The following LONP2 variants were observed in gnomAD, a reference collection of about 807,000 sequenced individuals.
LONP2 encodes lon peptidase 2, peroxisomal, also known as lon protease homolog 2, peroxisomal.
Under a neutral mutation model 85.6 loss-of-function variants are expected in LONP2, and 60 were observed. That is an observed-to-expected ratio of 0.70 (90% CI 0.57 to 0.87). The LOEUF (loss-of-function observed/expected upper bound fraction) is 0.87, where lower values mean the gene tolerates loss of function less well. LONP2 is among the 40% of genes least tolerant of loss of function. The pLI is 0.00. For missense variants in LONP2, 860 were observed against 1,063.5 expected (o/e 0.81, Z 2.66); for synonymous variants, 395 against 389.7 (o/e 1.01, Z -0.16).
rs574590690 is a variant in LONP2 at position 48,284,854 on chromosome 16, A to G, written c.1383+7375A>G. ...TGCAAATATGGAATAATAAGGATCA[A>G]CTGTAATTACTGCTTTATGCCATTA... is the stretch of plus-strand genomic sequence containing the variant. On this transcript the variant is annotated intron_variant, in intron 8 of 14. Transcript: ENST00000285737. 7.9e-5 allele frequency among the ~76,000 whole-genome samples: 12 copies of G among 152,326 alleles called. No homozygotes were observed. The East Asian group carries it at 2.3e-3, about 29-fold the overall frequency.
intron 11 of LONP2, among the ~76,000 whole-genome samples, chr16:48,332,528 AT>A (rs1374220840): frequency 6.6e-6 from 1 of 152,172 alleles, no homozygotes; most frequent in African/African-American, 2.4e-5. Context: ...CCTGGCCAAC[AT>A]GCTGAAACCC....
At chr16:48,268,153 G>A (rs1972030166) in intron 6 of LONP2, among the ~76,000 whole-genome samples, 1 of 152,082 alleles carries the variant, frequency 6.6e-6, no homozygotes, top group Non-Finnish European at 1.5e-5. Context: ...CAGGAAGCAT[G>A]CTTTCTGAAT....
chr16:48,321,754 T>C (rs1172755909), intron 11 of LONP2, among the ~76,000 whole-genome samples: 2 of 151,850 alleles, frequency 1.3e-5, no homozygotes, highest in Non-Finnish European at 2.9e-5. Flanking sequence ...AAAGAAAAAA[T>C]AAACAACAAA....
rs747047873 is a variant in LONP2, at chr16:48,252,160, T to C, written c.263T>C (p.Val88Ala). 6 of 1,606,122 alleles carry C rather than the reference T, an allele frequency of 3.7e-6. No individual in the cohort carries two copies. The highest frequency in any genetic ancestry group is 5.1e-6 in the Non-Finnish European group (6 of 1,174,462). Residue 88 changes from valine to alanine, a missense_variant, in exon 2 of 15, where the codon GTT (valine) becomes GCT (alanine). Physicochemically the swap from Val to Ala is moderately conservative, Grantham distance 64. This residue lies in a region of LONP2 where 743 missense variants were observed against 917.3 expected (regional missense o/e 0.81). Coordinates refer to ENST00000285737, the MANE Select transcript of LONP2 (RefSeq NM_031490.5). ...GGCACAGCTGCACTGGCCGTTCAGG[T>C]TGTGGGCAGTAACTGGCCCAAGCCC... Reference protein sequence around the residue: ...RIGTAALAVQVVGSNWPKPHY... With the variant: ...RIGTAALAVQAVGSNWPKPHY...
At chr16:48,329,452 C>T (rs951727284) in intron 11 of LONP2, among the ~76,000 whole-genome samples, 1 of 152,156 alleles carries the variant, frequency 6.6e-6, no homozygotes, top group African/African-American at 2.4e-5. Context: ...GTTCAAGTAA[C>T]CCTTCCTTTA....
In LONP2 at chr16:48,355,063, A is replaced by C. The variant is rs1486040610; in HGVS notation, c.*3261A>C. ...ATTTGGTTTATCCACTCATCTGCTGATTGTTTCCCCCTCTTGGGTATTATG... is the reference window on the plus strand; with the variant it reads ...ATTTGGTTTATCCACTCATCTGCTGCTTGTTTCCCCCTCTTGGGTATTATG... On this transcript the variant is annotated 3_prime_UTR_variant, in exon 15 of 15. Transcript: ENST00000285737. 1 of 152,142 alleles carries C rather than the reference A, an allele frequency of 6.6e-6. No individual in the cohort carries two copies. Among genetic ancestry groups the C allele is most frequent in the African/African-American group, 2.4e-5 (1 of 41,428 alleles). 9.4% of individuals were successfully genotyped at this position (152,142 alleles called of 1,614,324 possible).
intron 7 of LONP2, among the ~76,000 whole-genome samples, chr16:48,275,271 C>A (rs1184950371): frequency 6.6e-6 from 1 of 152,106 alleles, no homozygotes; most frequent in Non-Finnish European, 1.5e-5. Flanking sequence ...AGGCTTAGGT[C>A]AAGTAATTTG....
In LONP2 at chr16:48,270,152, T is replaced by C. The variant is rs1471203839; in HGVS notation, c.1119T>C (p.Phe373=). 41 of 1,613,956 alleles carry C rather than the reference T, an allele frequency of 2.5e-5. No individual in the cohort carries two copies. The highest frequency in any genetic ancestry group is 3.1e-5 in the Non-Finnish European group (36 of 1,179,990). ...KNNLKGPILC[F]VGPPGVGKTS... Reference sequence around the variant, plus strand: ...ACCTGAAGGGCCCAATCCTATGCTTTGTTGGCCCTCCTGGAGTTGGTAAAA... The same window carrying C: ...ACCTGAAGGGCCCAATCCTATGCTTCGTTGGCCCTCCTGGAGTTGGTAAAA... Residue 373 remains phenylalanine (F), a synonymous_variant, in exon 7 of 15, where the codon TTT becomes TTC. Transcript: ENST00000285737.
chr16:48,362,903 C>T lies in LONP2; in HGVS notation c.*1040C>T, dbSNP rs1445487853. ...ATAAAATCGGCACTCTGTATCCACA[C>T]GGTCTGCATCCGAGGACTTCACCAG... On this transcript the variant is annotated 3_prime_UTR_variant, in exon 5 of 5. Coordinates refer to the LONP2 transcript ENST00000565867. The surrounding 1 kb of genome is among the most constrained non-coding windows in gnomAD (Gnocchi z 4.2). 1.2e-5 allele frequency: 2 copies of T among 167,502 alleles called. No homozygotes were observed. Among genetic ancestry groups the T allele is most frequent in the East Asian group, 3.8e-4 (2 of 5,208 alleles). The allele number at this position is 167,502 out of a possible 1,614,324, so 10.4% of individuals were successfully genotyped here.
At chr16:48,250,717 A>G (rs1259348364) in intron 1 of LONP2, among the ~76,000 whole-genome samples, 1 of 152,208 alleles carries the variant, frequency 6.6e-6, no homozygotes, top group Admixed American at 6.5e-5. Flanking sequence ...ACAAACAGTG[A>G]TGAATATCAT....
chr16:48,355,392 C>T lies in LONP2; in HGVS notation c.*3590C>T, dbSNP rs1175233095. On this transcript the variant is annotated 3_prime_UTR_variant, in exon 15 of 15. Coordinates refer to ENST00000285737, the MANE Select transcript of LONP2 (RefSeq NM_031490.5). ...CATATGAGGACACAGCAACAGGCCC[C>T]GTCCTAGAAGCTGAGACTGGGCCCT... is the stretch of plus-strand genomic sequence containing the variant. 6.6e-6 allele frequency: 1 copy of T among 152,148 alleles called. No homozygotes were observed. The highest frequency in any genetic ancestry group is 1.9e-4 in the East Asian group (1 of 5,196). The allele number at this position is 152,148 out of a possible 1,614,324, so 9.4% of individuals were successfully genotyped here.
intron 12 of LONP2, among the ~76,000 whole-genome samples, chr16:48,343,222 A>G (rs1187870745): frequency 6.6e-6 from 1 of 152,184 alleles, no homozygotes; most frequent in African/African-American, 2.4e-5. Context: ...ATGAATGTCA[A>G]ATATGGGTCC....
At chr16:48,314,570 C>G (rs1973102218) in intron 11 of LONP2, among the ~76,000 whole-genome samples, 1 of 152,092 alleles carries the variant, frequency 6.6e-6, no homozygotes, top group African/African-American at 2.4e-5. Flanking sequence ...AATAGAGAAT[C>G]CTTTCTTCAT....
At chr16:48,318,886 G>A (rs943942430) in intron 11 of LONP2, among the ~76,000 whole-genome samples, 3 of 152,082 alleles carry the variant, frequency 2.0e-5, no homozygotes, top group Non-Finnish European at 4.4e-5. Flanking sequence ...CCCTAAGCAT[G>A]CTTTATGCTA....
chr16:48,331,735 T>C (rs1292751198), intron 11 of LONP2, among the ~76,000 whole-genome samples: 1 of 152,094 alleles, frequency 6.6e-6, no homozygotes, highest in Non-Finnish European at 1.5e-5. Context: ...CAGCTAATTT[T>C]TTGTATTTTT....
Position 48,244,536 on chromosome 16 carries a change from A to G in LONP2, c.148A>G (p.Thr50Ala). 6.4e-7 allele frequency: 1 copy of G among 1,569,282 alleles called. No homozygotes were observed. The highest frequency in any genetic ancestry group is 2.4e-5 in the East Asian group (1 of 42,280). The change falls in exon 1 of 15, where the codon ACG becomes GCG. Residue 50 changes from threonine (T) to alanine (A), a missense_variant. Physicochemically the swap from Thr to Ala is moderately conservative, Grantham distance 58. Coordinates refer to ENST00000285737, the MANE Select transcript of LONP2 (RefSeq NM_031490.5). ...QLVRSRLLKG[T>A]SLQSTILGVI... is the part of the protein sequence containing the mutation. Reference sequence around the variant, plus strand: ...GGTGCGGAGCCGCCTTCTGAAGGGCACGTCGCTGCAAAGCACCATCCTGGG... The same window carrying G: ...GGTGCGGAGCCGCCTTCTGAAGGGCGCGTCGCTGCAAAGCACCATCCTGGG...
At chr16:48,280,468 C>G (rs962032053) in intron 8 of LONP2, among the ~76,000 whole-genome samples, 2 of 151,988 alleles carry the variant, frequency 1.3e-5, no homozygotes, top group African/African-American at 4.8e-5. Context: ...TGTAATGATT[C>G]AATAATATTT....
At chr16:48,261,692 A>G in intron 5 of LONP2, 105 bp downstream of exon 5, 1 of 837,162 alleles carries the variant, frequency 1.2e-6, no homozygotes, top group Non-Finnish European at 1.7e-6. Flanking sequence ...ACATAATACA[A>G]ATCTTCCACC....
At chr16:48,279,785 A>C (rs1423909029) in intron 8 of LONP2, among the ~76,000 whole-genome samples, 1 of 152,182 alleles carries the variant, frequency 6.6e-6, no homozygotes, top group Non-Finnish European at 1.5e-5. Context: ...TTGATTTGTA[A>C]AATTGAGGAA....
Sources: allele counts gnomAD v4.1 joint callset (sites outside exome capture counted in the v4.1 genomes callset), GRCh38; gene constraint gnomAD v4.1.1; regional missense constraint gnomAD v4.1.1; non-coding constraint Gnocchi (gnomAD v3.1); transcripts MANE v1.5; gene names NCBI Gene and HGNC (gene_info 2026-07-23, HGNC 2026-07-21).